KCNQ1OT1: variants seen among roughly 807,000 people sequenced by gnomAD.
The protein encoded by KCNQ1OT1 is KCNQ1 antisense RNA 2 (non-protein coding).
At chr11:2,692,207 C>T in exon 1 of KCNQ1OT1, 1 of 398,862 alleles carries the variant, frequency 2.5e-6, no homozygotes, top group African/African-American at 2.1e-5. Flanking sequence ...ATTTCCGATA[C>T]ACCCGCTTCC....
rs57308681 is a variant in KCNQ1OT1 at position 2,657,436 on chromosome 11, A to G, written n.42559T>C. ...GTTCTTGCATATACTTAGTTAGATA[A>G]TTAATATTCTTTTGTGCTATTGTAT... On this transcript the variant is annotated non_coding_transcript_exon_variant, in exon 1 of 1. Coordinates refer to ENST00000597346, the Ensembl canonical transcript of KCNQ1OT1. This position sits in a 1 kb window ranked among gnomAD's most constrained non-coding sequence, Gnocchi z 4.8. The G allele has an allele frequency of 0.018, 7,076 of 398,490 alleles. 365 individuals are homozygous for G. The highest frequency in any genetic ancestry group is 0.12 in the African/African-American group (5,907 of 48,698). 24.7% of individuals were successfully genotyped at this position (398,490 alleles called of 1,614,324 possible). A position where few individuals can be genotyped will look rare whatever the true frequency, so the allele number is the denominator to read the frequency against.
chr11:2,624,727 A>G lies in KCNQ1OT1; in HGVS notation n.75268T>C, dbSNP rs1384407904. On this transcript the variant is annotated non_coding_transcript_exon_variant, in exon 1 of 1. Coordinates refer to ENST00000597346, the Ensembl canonical transcript of KCNQ1OT1. This position sits in a 1 kb window ranked among gnomAD's most constrained non-coding sequence, Gnocchi z 4.9. ...AATTATGAAACTCTATATCCATTAAACAATAATTCCCCAACCCCCCCACCA... is the reference window on the plus strand; with the variant it reads ...AATTATGAAACTCTATATCCATTAAGCAATAATTCCCCAACCCCCCCACCA... The G allele has an allele frequency of 2.0e-5, 8 of 398,542 alleles. No individual in the cohort carries two copies. 24.7% of individuals were successfully genotyped at this position (398,542 alleles called of 1,614,324 possible). A position where few individuals can be genotyped will look rare whatever the true frequency, so the allele number is the denominator to read the frequency against.
At chr11:2,631,874 T>C (rs1849358465) in exon 1 of KCNQ1OT1, 1 of 398,198 alleles carries the variant, frequency 2.5e-6, no homozygotes, top group African/African-American at 2.1e-5. Context: ...AGATTGTTTG[T>C]GATTAATGTA....
At chr11:2,614,900 T>A in exon 1 of KCNQ1OT1, 1 of 398,476 alleles carries the variant, frequency 2.5e-6, no homozygotes, top group Non-Finnish European at 4.4e-6. Flanking sequence ...ATTTACATTT[T>A]AAAATCAGTT....
At chr11:2,662,864 C>T in exon 1 of KCNQ1OT1, 1 of 398,772 alleles carries the variant, frequency 2.5e-6, no homozygotes. Flanking sequence ...TCTCTACCAA[C>T]ATTTTTCTAA....
chr11:2,671,088 G>T lies in KCNQ1OT1; in HGVS notation n.28907C>A. On this transcript the variant is annotated non_coding_transcript_exon_variant, in exon 1 of 1. Coordinates refer to ENST00000597346, the Ensembl canonical transcript of KCNQ1OT1. The surrounding 1 kb of genome is among the most constrained non-coding windows in gnomAD (Gnocchi z 4.7). ...GGTAGTGACTGGCTAGCAGGAGGAA[G>T]TCTGGCAGTTAGTCTGAGCAGTTAG... The T allele has an allele frequency of 2.7e-6, 1 of 377,034 alleles. No homozygotes were observed. 23.4% of individuals were successfully genotyped at this position (377,034 alleles called of 1,614,324 possible).
Position 2,659,653 on chromosome 11 carries a change from A to G in KCNQ1OT1, n.40342T>C. 1 of 398,538 alleles carries G rather than the reference A, an allele frequency of 2.5e-6. No homozygotes were observed. Among genetic ancestry groups the G allele is most frequent in the Non-Finnish European group, 4.4e-6 (1 of 226,012 alleles). 24.7% of individuals were successfully genotyped at this position (398,538 alleles called of 1,614,324 possible). On this transcript the variant is annotated non_coding_transcript_exon_variant, in exon 1 of 1. Coordinates refer to ENST00000597346, the Ensembl canonical transcript of KCNQ1OT1. The surrounding 1 kb of genome is among the most constrained non-coding windows in gnomAD (Gnocchi z 4.3). Reference sequence around the variant, plus strand: ...AGGTCATGTGGTATGTGTATGTTTAACTTAATAAGAAATTGCTAAACTATT... The same window carrying G: ...AGGTCATGTGGTATGTGTATGTTTAGCTTAATAAGAAATTGCTAAACTATT...
At position 2,698,276 on chromosome 11, in the gene KCNQ1OT1, C is replaced by T. The variant is rs1247102571; in HGVS notation, n.1719G>A. On this transcript the variant is annotated non_coding_transcript_exon_variant, in exon 1 of 1. Coordinates refer to ENST00000597346, the Ensembl canonical transcript of KCNQ1OT1. The surrounding 1 kb of genome is among the most constrained non-coding windows in gnomAD (Gnocchi z 5.1). ...TACTTTGTGATAATCTAAGACAGAACTATTCTACCTGGATGAATTATTCTC... is the reference window on the plus strand; with the variant it reads ...TACTTTGTGATAATCTAAGACAGAATTATTCTACCTGGATGAATTATTCTC... 2.5e-6 allele frequency: 1 copy of T among 398,506 alleles called. No individual in the cohort carries two copies. Among genetic ancestry groups the T allele is most frequent in the Non-Finnish European group, 4.4e-6 (1 of 226,068 alleles). 24.7% of individuals were successfully genotyped at this position (398,506 alleles called of 1,614,324 possible).
Position 2,670,752 on chromosome 11 carries a change from G to A in KCNQ1OT1, n.29243C>T, listed in dbSNP as rs1850169545. On this transcript the variant is annotated non_coding_transcript_exon_variant, in exon 1 of 1. Coordinates refer to ENST00000597346, the Ensembl canonical transcript of KCNQ1OT1. This position sits in a 1 kb window ranked among gnomAD's most constrained non-coding sequence, Gnocchi z 4.9. The stretch of plus-strand genomic sequence containing the variant: ...GTCTGCAGATATTATCTGGGCACTG[G>A]CCAGTGGCTCTTGTGGCTGCCCTCT... 5.0e-6 allele frequency: 2 copies of A among 398,506 alleles called. No homozygotes were observed. The highest frequency in any genetic ancestry group is 4.4e-5 in the Admixed American group (1 of 22,714). The allele number at this position is 398,506 out of a possible 1,614,324, so 24.7% of individuals were successfully genotyped here.
rs543054197 is a variant in KCNQ1OT1, at chr11:2,661,943, C to G, written n.38052G>C. 4.3e-4 allele frequency: 687 copies of G among 1,614,134 alleles called. 18 individuals carry two copies. In the South Asian group the frequency reaches 7.3e-3, roughly 17 times the overall value. ...TGGGTGGGAGGCCTAACGTGCTGTC[C>G]CCACACTTTCTCCTCAGTAAGGAAG... is the stretch of plus-strand genomic sequence containing the variant. On this transcript the variant is annotated non_coding_transcript_exon_variant, in exon 1 of 1. Coordinates refer to ENST00000597346, the Ensembl canonical transcript of KCNQ1OT1. The surrounding 1 kb of genome is among the most constrained non-coding windows in gnomAD (Gnocchi z 5.9).
chr11:2,665,697 G>C (rs907855384), exon 1 of KCNQ1OT1: 3 of 398,076 alleles, frequency 7.5e-6, no homozygotes, highest in African/African-American at 6.2e-5. Flanking sequence ...GAGGGAGAAG[G>C]GCATGTATAG....
Position 2,626,421 on chromosome 11 carries a change from G to C in KCNQ1OT1, n.73574C>G. On this transcript the variant is annotated non_coding_transcript_exon_variant, in exon 1 of 1. Transcript: ENST00000597346. The surrounding 1 kb of genome is among the most constrained non-coding windows in gnomAD (Gnocchi z 4.0). ...TTGGCACTCTTCTCAGGAATCATTT[G>C]ATCATGTATACAAGGGTTTATTTTT... is the stretch of plus-strand genomic sequence containing the variant. The C allele has an allele frequency of 2.5e-6, 1 of 398,562 alleles. No individual in the cohort carries two copies. The allele number at this position is 398,562 out of a possible 1,614,324, so 24.7% of individuals were successfully genotyped here.
chr11:2,675,654 A>AGG (rs1051866738), exon 1 of KCNQ1OT1: 1 of 398,626 alleles, frequency 2.5e-6, no homozygotes, highest in Non-Finnish European at 4.4e-6. Context: ...GCTCTCTAGG[A>AGG]GCCCGCCCAG....
exon 1 of KCNQ1OT1, chr11:2,681,765 C>G (rs919102904): frequency 2.5e-6 from 1 of 398,368 alleles, no homozygotes. Context: ...TGTGGGGGCC[C>G]TGGGACCTGG....
chr11:2,651,400 C>T lies in KCNQ1OT1; in HGVS notation n.48595G>A, dbSNP rs545962650. On this transcript the variant is annotated non_coding_transcript_exon_variant, in exon 1 of 1. Transcript: ENST00000597346. This position sits in a 1 kb window ranked among gnomAD's most constrained non-coding sequence, Gnocchi z 6.1. The stretch of plus-strand genomic sequence containing the variant: ...TGCTGCCCCGGTGGTGGCTCACTTT[C>T]CATTCCTTTTGGCCTGCCCTGTGTG... The T allele has an allele frequency of 2.3e-5, 9 of 398,716 alleles. No individual in the cohort carries two copies. The South Asian group carries it at 3.8e-4, about 17-fold the overall frequency. The allele number at this position is 398,716 out of a possible 1,614,324, so 24.7% of individuals were successfully genotyped here. A position where few individuals can be genotyped will look rare whatever the true frequency, so the allele number is the denominator to read the frequency against.
At chr11:2,675,743 C>G (rs1438053525) in exon 1 of KCNQ1OT1, 1 of 398,592 alleles carries the variant, frequency 2.5e-6, no homozygotes, top group Non-Finnish European at 4.4e-6. Context: ...CACAGAGTGA[C>G]ATGAACCAGA....
Position 2,663,376 on chromosome 11 carries a change from G to A in KCNQ1OT1, n.36619C>T. 2.5e-6 allele frequency: 1 copy of A among 398,778 alleles called. No homozygotes were observed. Among genetic ancestry groups the A allele is most frequent in the Non-Finnish European group, 4.4e-6 (1 of 226,172 alleles). 24.7% of individuals were successfully genotyped at this position (398,778 alleles called of 1,614,324 possible). On this transcript the variant is annotated non_coding_transcript_exon_variant, in exon 1 of 1. Coordinates refer to ENST00000597346, the Ensembl canonical transcript of KCNQ1OT1. The surrounding 1 kb of genome is among the most constrained non-coding windows in gnomAD (Gnocchi z 5.2). The stretch of plus-strand genomic sequence containing the variant: ...AGATGGGCTGCCCAGGTACAGGTCA[G>A]CACCAGAAGGCAGAATGATGGCTTA...
At chr11:2,693,125 T>C (rs1375756739) in exon 1 of KCNQ1OT1, 12 of 398,688 alleles carry the variant, frequency 3.0e-5, no homozygotes, top group Middle Eastern at 1.3e-3. Flanking sequence ...GACTACTTTC[T>C]GTCAATCACC....
At chr11:2,610,943 A>G in exon 1 of KCNQ1OT1, 1 of 398,310 alleles carries the variant, frequency 2.5e-6, no homozygotes, top group Non-Finnish European at 4.4e-6. Flanking sequence ...TGAATAATTG[A>G]TAGAACAACA....
Sources: gnomAD v4.1 joint callset for allele counts on GRCh38, gnomAD v4.1.1 for gene constraint, Gnocchi (gnomAD v3.1) non-coding constraint, MANE v1.5 for transcripts, NCBI Gene and HGNC (gene_info 2026-07-23, HGNC 2026-07-21) for gene names.